Variants in TBXAS1 observed in about 807,000 individuals in gnomAD.
The protein encoded by TBXAS1 is thromboxane-A synthase.
A neutral mutation model predicts 60.7 loss-of-function variants in TBXAS1; 48 were observed. That is an observed-to-expected ratio of 0.79 (90% CI 0.63 to 1.01). TBXAS1 has a LOEUF of 1.01. Ranked by LOEUF, TBXAS1 falls within the 50% of genes least tolerant of loss-of-function variation. TBXAS1 has a pLI of 0.00. For missense variants in TBXAS1, 685 were observed against 686.3 expected (o/e 1.00, Z 0.02); for synonymous variants, 287 against 269.7 (o/e 1.06, Z -0.63).
intron 4 of TBXAS1, among the ~76,000 whole-genome samples, chr7:139,805,712 T>TTCTTTCTTTCTTTCTTTCTC (rs753031062): frequency 7.4e-4 from 33 of 44,348 alleles, no homozygotes; most frequent in Middle Eastern, 0.011. Flanking sequence ...CTTTCTTTCT[T>TTCTTTCTTTCTTTCTTTCTC]TCTCTCTCTC....
At chr7:139,991,378 A>G (rs1812890223) in intron 9 of TBXAS1, among the ~76,000 whole-genome samples, 1 of 112,616 alleles carries the variant, frequency 8.9e-6, no homozygotes, top group African/African-American at 3.6e-5. Context: ...TGTCACCACC[A>G]GTGTCCTCCT....
At position 139,800,336 on chromosome 7, in the gene TBXAS1, A is replaced by G. The variant is rs78833203; in HGVS notation, c.-80+12910A>G. 6.6e-3 allele frequency among the ~76,000 whole-genome samples: 1,007 copies of G among 152,140 alleles called. 4 individuals are homozygous for G. The highest frequency in any genetic ancestry group is 0.011 in the Non-Finnish European group (747 of 67,994). On this transcript the variant is annotated intron_variant, in intron 4 of 16. Coordinates refer to the TBXAS1 transcript ENST00000336425. ...TCTCCCTCCCTCCTCGAAGACCTCA[A>G]TGCACCTGACTGAACTGATCTCAGC...
chr7:139,781,811 T>A (rs1282450228), intron 2 of TBXAS1, among the ~76,000 whole-genome samples: 2 of 115,548 alleles, frequency 1.7e-5, no homozygotes, highest in Admixed American at 1.3e-4. Context: ...CACTCTAGCC[T>A]AGGCAACAAG....
At chr7:139,825,173 T>C (rs1049182904), upstream of TBXAS1, among the ~76,000 whole-genome samples, 1 of 151,878 alleles carries the variant, frequency 6.6e-6, no homozygotes, top group Non-Finnish European at 1.5e-5. Context: ...AAGAAAAATA[T>C]ACAGAAAATA....
intron 4 of TBXAS1, among the ~76,000 whole-genome samples, chr7:139,817,685 C>T (rs1203476176): frequency 6.6e-6 from 1 of 152,216 alleles, no homozygotes; most frequent in Non-Finnish European, 1.5e-5. Flanking sequence ...GAGAACTGAA[C>T]TAATTACTCA....
At chr7:139,910,118 C>A (rs1217095047) in intron 3 of TBXAS1, among the ~76,000 whole-genome samples, 1 of 152,154 alleles carries the variant, frequency 6.6e-6, no homozygotes, top group East Asian at 1.9e-4. Context: ...CAGGGTCACT[C>A]ATGCCTGCCA....
intron 4 of TBXAS1, among the ~76,000 whole-genome samples, chr7:139,802,369 C>T (rs1475786804): frequency 1.3e-5 from 2 of 152,206 alleles, no homozygotes; most frequent in Admixed American, 6.5e-5. Flanking sequence ...AACTGTAGCT[C>T]CCATAATCCC....
intron 9 of TBXAS1, among the ~76,000 whole-genome samples, chr7:139,994,344 C>A (rs1477468936): frequency 6.6e-6 from 1 of 152,190 alleles, no homozygotes; most frequent in Non-Finnish European, 1.5e-5. Context: ...TGCCCAGCTG[C>A]TCTTCCCTTT....
At chr7:139,994,745 T>C (rs1193291117) in intron 9 of TBXAS1, among the ~76,000 whole-genome samples, 1 of 152,208 alleles carries the variant, frequency 6.6e-6, no homozygotes, top group African/African-American at 2.4e-5. Flanking sequence ...TCCAGGTCAA[T>C]AGAAGGATTT....
At chr7:140,009,387 C>T (rs1373731119) in intron 10 of TBXAS1, among the ~76,000 whole-genome samples, 1 of 152,180 alleles carries the variant, frequency 6.6e-6, no homozygotes, top group Admixed American at 6.5e-5. Context: ...CACACACCTG[C>T]TTGGCTGGCC....
In TBXAS1 at chr7:139,804,773, C is replaced by T. The variant is rs117740966; in HGVS notation, c.-80+17347C>T. Among the ~76,000 whole-genome samples the T allele has an allele frequency of 3.2e-3, 485 of 152,310 alleles. 1 individual carries two copies. Among genetic ancestry groups the T allele is most frequent in the Non-Finnish European group, 3.6e-3 (246 of 68,028 alleles). On this transcript the variant is annotated intron_variant, in intron 4 of 16. Coordinates refer to the TBXAS1 transcript ENST00000336425. Reference sequence around the variant, plus strand: ...TGCCACCATGTAAGACATGCCTTTGCTCCTCCTTTGCTTTCCACCATAATT... The same window carrying T: ...TGCCACCATGTAAGACATGCCTTTGTTCCTCCTTTGCTTTCCACCATAATT...
rs1212262053 is a variant in TBXAS1 at position 139,999,126 on chromosome 7, C to G, written c.1135-7965C>G. On this transcript the variant is annotated intron_variant, in intron 9 of 12. Coordinates refer to ENST00000448866, the MANE Select transcript of TBXAS1 (RefSeq NM_001061.7). This position sits in a 1 kb window ranked among gnomAD's most constrained non-coding sequence, Gnocchi z 4.3. ...AACCTCCATCGTATCTCCCTGCAAG[C>G]CTTGAAACTGCTCACTGGACCCACT... is the stretch of plus-strand genomic sequence containing the variant. Among the ~76,000 whole-genome samples, 1 of 152,204 alleles carries G rather than the reference C, an allele frequency of 6.6e-6. No individual in the cohort carries two copies. Among genetic ancestry groups the G allele is most frequent in the African/African-American group, 2.4e-5 (1 of 41,454 alleles).
chr7:139,987,873 G>A (rs983066860), intron 9 of TBXAS1, among the ~76,000 whole-genome samples: 2 of 152,224 alleles, frequency 1.3e-5, no homozygotes, highest in Non-Finnish European at 2.9e-5. Context: ...TGGGGGCCAC[G>A]GGAACCTCCC....
chr7:139,878,276 G>A (rs924575738), intron 3 of TBXAS1, among the ~76,000 whole-genome samples: 1 of 151,900 alleles, frequency 6.6e-6, no homozygotes, highest in African/African-American at 2.4e-5. Flanking sequence ...GGAGCGAATT[G>A]GTTTCCTTGA....
chr7:139,873,390 A>C (rs1801971622), intron 2 of TBXAS1, among the ~76,000 whole-genome samples: 1 of 152,218 alleles, frequency 6.6e-6, no homozygotes, highest in South Asian at 2.1e-4. Context: ...AGAAGAACAT[A>C]GGTTAGAGCT....
chr7:139,784,173 C>T (rs937435658), intron 3 of TBXAS1, among the ~76,000 whole-genome samples: 2 of 151,106 alleles, frequency 1.3e-5, no homozygotes, highest in African/African-American at 4.9e-5. Flanking sequence ...CCCTCCCTCC[C>T]TTCTTTCTCT....
Position 139,975,849 on chromosome 7 carries a change from C to T in TBXAS1, c.1134+13616C>T, listed in dbSNP as rs892338367. 6.6e-6 allele frequency among the ~76,000 whole-genome samples: 1 copy of T among 152,192 alleles called. No homozygotes were observed. Among genetic ancestry groups the T allele is most frequent in the African/African-American group, 2.4e-5 (1 of 41,442 alleles). On this transcript the variant is annotated intron_variant, in intron 9 of 12. Coordinates refer to ENST00000448866, the MANE Select transcript of TBXAS1 (RefSeq NM_001061.7). This position sits in a 1 kb window ranked among gnomAD's most constrained non-coding sequence, Gnocchi z 4.4. ...GATGAAGAGTGCATGGGCAGCTTCTCCCCTGACATCCCTACCTCCCTGACG... is the reference window on the plus strand; with the variant it reads ...GATGAAGAGTGCATGGGCAGCTTCTTCCCTGACATCCCTACCTCCCTGACG...
chr7:139,911,463 C>T, intron 4 of TBXAS1, 142 bp downstream of exon 4: 1 of 771,330 alleles, frequency 1.3e-6, no homozygotes, highest in Non-Finnish European at 2.3e-6. Flanking sequence ...CCTCAGTGAA[C>T]TCGGTTTTTC....
chr7:139,849,248 A>G (rs768875803), intron 1 of TBXAS1, among the ~76,000 whole-genome samples: 6 of 152,024 alleles, frequency 3.9e-5, no homozygotes, highest in Admixed American at 6.6e-5. Flanking sequence ...GTGCGGTGAC[A>G]TGCATCTGTG....
Sources: gnomAD v4.1 joint callset for allele counts (sites outside exome capture counted in the v4.1 genomes callset) on GRCh38, gnomAD v4.1.1 for gene constraint, Gnocchi (gnomAD v3.1) non-coding constraint, MANE v1.5 for transcripts, NCBI Gene and HGNC (gene_info 2026-07-23, HGNC 2026-07-21) for gene names.